Variants in LRRC4C observed in about 807,000 individuals in gnomAD.
LRRC4C encodes the protein leucine-rich repeat-containing protein 4C.
In LRRC4C, 5 loss-of-function variants were observed where a neutral mutation model predicts 33.6. The ratio of observed to expected loss-of-function variants is 0.15; its 90% confidence interval spans 0.08 to 0.31. The LOEUF is 0.31. LRRC4C is among the 10% of genes least tolerant of loss of function. The pLI, the probability that LRRC4C is intolerant of heterozygous loss-of-function variation, is 1.00. For missense variants in LRRC4C, 560 were observed against 796.7 expected, an observed-to-expected ratio of 0.70 and a Z score of 3.58; for synonymous variants, 329 against 302.0, an observed-to-expected ratio of 1.09 and a Z score of -0.93.
At chr11:40,728,938 C>T (rs1467725042) in intron 2 of LRRC4C, among the ~76,000 whole-genome samples, 3 of 125,112 alleles carry the variant, frequency 2.4e-5, no homozygotes, top group East Asian at 2.5e-4. Flanking sequence ...GGGTACACAT[C>T]GACATTAAGA....
At chr11:40,129,823 G>T (rs1856522839) in intron 6 of LRRC4C, among the ~76,000 whole-genome samples, 1 of 152,146 alleles carries the variant, frequency 6.6e-6, no homozygotes, top group Non-Finnish European at 1.5e-5. Flanking sequence ...AGGCTATGGC[G>T]GCTCCAAACC....
chr11:40,191,060 T>C (rs1861801233), intron 5 of LRRC4C, among the ~76,000 whole-genome samples: 1 of 152,166 alleles, frequency 6.6e-6, no homozygotes, highest in African/African-American at 2.4e-5. Context: ...AGTACTTACT[T>C]AGCATTATGC....
At chr11:40,972,864 G>A (rs1243201455) in intron 1 of LRRC4C, among the ~76,000 whole-genome samples, 1 of 152,024 alleles carries the variant, frequency 6.6e-6, no homozygotes, top group Non-Finnish European at 1.5e-5. Flanking sequence ...TACTATCTGT[G>A]TCCCCACCCA....
chr11:40,328,906 T>A (rs1310674356), intron 3 of LRRC4C, among the ~76,000 whole-genome samples: 5 of 152,234 alleles, frequency 3.3e-5, no homozygotes, highest in Non-Finnish European at 7.3e-5. Context: ...CAAAACTTTC[T>A]GCACTAAATA....
At chr11:41,153,519 T>G (rs1283801841) in intron 1 of LRRC4C, among the ~76,000 whole-genome samples, 3 of 152,094 alleles carry the variant, frequency 2.0e-5, no homozygotes, top group Non-Finnish European at 4.4e-5. Flanking sequence ...TATATGAGGG[T>G]TTTGGAATAA....
chr11:41,189,664 G>A (rs369958942), intron 1 of LRRC4C, among the ~76,000 whole-genome samples: 1 of 152,214 alleles, frequency 6.6e-6, no homozygotes, highest in African/African-American at 2.4e-5. Context: ...GCCCCAAGGT[G>A]ATGGCAGAGG....
chr11:40,218,353 G>T (rs1864123427), intron 5 of LRRC4C, among the ~76,000 whole-genome samples: 2 of 152,086 alleles, frequency 1.3e-5, no homozygotes, highest in African/African-American at 2.4e-5. Context: ...GCAAGAAGAG[G>T]CCTAAGAAGG....
chr11:40,218,802 G>A (rs1369973944), intron 5 of LRRC4C, among the ~76,000 whole-genome samples: 1 of 150,164 alleles, frequency 6.7e-6, no homozygotes, highest in Non-Finnish European at 1.5e-5. Flanking sequence ...TCCCCACCCT[G>A]GCAATGGCCT....
intron 1 of LRRC4C, among the ~76,000 whole-genome samples, chr11:41,163,456 G>A (rs935395820): frequency 7.3e-5 from 11 of 150,522 alleles, no homozygotes; most frequent in African/African-American, 2.4e-4. Flanking sequence ...ACTAATTTTT[G>A]TATTTATAGT....
intron 3 of LRRC4C, among the ~76,000 whole-genome samples, chr11:40,596,157 G>A (rs961355671): frequency 6.6e-6 from 1 of 152,150 alleles, no homozygotes; most frequent in Admixed American, 6.6e-5. Flanking sequence ...TGATAACTTG[G>A]TTTGACATAA....
intron 1 of LRRC4C, among the ~76,000 whole-genome samples, chr11:41,437,411 A>ATG (rs1555171467): frequency 6.8e-6 from 1 of 147,838 alleles, no homozygotes; most frequent in African/African-American, 2.5e-5. Flanking sequence ...ACACACACAA[A>ATG]CGCGCGCGCG....
intron 1 of LRRC4C, among the ~76,000 whole-genome samples, chr11:41,408,881 T>TG: frequency 1.3e-5 from 2 of 152,214 alleles, no homozygotes; most frequent in East Asian, 1.9e-4. Flanking sequence ...CTATTCACTA[T>TG]GGTGAAGTTT....
At chr11:40,123,204 C>T (rs1233400755) in intron 6 of LRRC4C, among the ~76,000 whole-genome samples, 2 of 151,890 alleles carry the variant, frequency 1.3e-5, no homozygotes, top group Admixed American at 1.3e-4. Flanking sequence ...GGCTGTGCTC[C>T]AATAATACTA....
At chr11:40,929,841 C>T (rs1156345034) in intron 2 of LRRC4C, among the ~76,000 whole-genome samples, 1 of 152,050 alleles carries the variant, frequency 6.6e-6, no homozygotes, top group African/African-American at 2.4e-5. Context: ...TCTTATTTTT[C>T]CAAGACCTTT....
At chr11:40,531,518 G>A (rs1220102501) in intron 3 of LRRC4C, among the ~76,000 whole-genome samples, 1 of 152,110 alleles carries the variant, frequency 6.6e-6, no homozygotes, top group East Asian at 1.9e-4. Flanking sequence ...AAAGTGAGAA[G>A]CAGTGGTGGA....
At chr11:41,031,698 A>C (rs2137825726) in intron 1 of LRRC4C, among the ~76,000 whole-genome samples, 1 of 152,158 alleles carries the variant, frequency 6.6e-6, no homozygotes, top group Non-Finnish European at 1.5e-5. Context: ...TGGGTAGAAA[A>C]GAGAAAGCTA....
intron 2 of LRRC4C, among the ~76,000 whole-genome samples, chr11:40,782,320 G>T (rs1950241176): frequency 6.6e-6 from 1 of 152,054 alleles, no homozygotes; most frequent in South Asian, 2.1e-4. Flanking sequence ...AATATATGTT[G>T]CTACATTTAT....
intron 3 of LRRC4C, among the ~76,000 whole-genome samples, chr11:40,411,904 C>A (rs1950169256): frequency 6.6e-6 from 1 of 151,992 alleles, no homozygotes; most frequent in African/African-American, 2.4e-5. Context: ...TCAATCCTCT[C>A]AATAACCCTA....
At chr11:40,403,756 A>G (rs1949853691) in intron 3 of LRRC4C, among the ~76,000 whole-genome samples, 1 of 152,222 alleles carries the variant, frequency 6.6e-6, no homozygotes, top group South Asian at 2.1e-4. Context: ...AGCATCCTAA[A>G]TCTCAGAGAG....
Sources: allele counts gnomAD v4.1 joint callset (sites outside exome capture counted in the v4.1 genomes callset), GRCh38; gene constraint gnomAD v4.1.1; transcripts MANE v1.5; gene names NCBI Gene and HGNC (gene_info 2026-07-23, HGNC 2026-07-21).